Variants in DAB1 observed in about 807,000 individuals in gnomAD.
The protein encoded by DAB1 is DAB adaptor protein 1.
Under a neutral mutation model 64.6 loss-of-function variants are expected in DAB1, and 15 were observed. The observed-to-expected ratio is 0.23, with a 90% CI of 0.16 to 0.36. The LOEUF is 0.36. DAB1 is among the 10% of genes least tolerant of loss of function. The pLI is 1.00. For missense variants in DAB1, 596 were observed against 706.7 expected (o/e 0.84, Z 1.78); for synonymous variants, 235 against 251.9 (o/e 0.93, Z 0.64).
At chr1:58,300,054 C>T (rs1452131509) in intron 4 of DAB1, among the ~76,000 whole-genome samples, 1 of 152,070 alleles carries the variant, frequency 6.6e-6, no homozygotes, top group African/African-American at 2.4e-5. Context: ...GTTTAGAAAC[C>T]AAATTTACTG....
intron 14 of DAB1, among the ~76,000 whole-genome samples, chr1:57,008,500 C>G (rs1646164163): frequency 6.6e-6 from 1 of 152,146 alleles, no homozygotes; most frequent in African/African-American, 2.4e-5. Context: ...GTGCTATACA[C>G]AGTGCTAAGA....
chr1:58,335,405 C>A (rs1569655158), intron 4 of DAB1, among the ~76,000 whole-genome samples: 2 of 152,348 alleles, frequency 1.3e-5, no homozygotes, highest in Admixed American at 1.3e-4. Flanking sequence ...CAGGAGAGTT[C>A]TGAGCAAAGC....
chr1:57,780,233 A>T (rs1262211534), intron 6 of DAB1, among the ~76,000 whole-genome samples: 1 of 152,104 alleles, frequency 6.6e-6, no homozygotes, highest in Non-Finnish European at 1.5e-5. Context: ...CATTTTTAAC[A>T]TGTTGATCTT....
At chr1:57,081,759 T>G (rs532506177) in intron 4 of DAB1, among the ~76,000 whole-genome samples, 2 of 152,268 alleles carry the variant, frequency 1.3e-5, no homozygotes, top group South Asian at 4.1e-4. Context: ...GGAAGTTTCA[T>G]TGACATGCAA....
At chr1:57,199,663 C>T (rs535391209) in intron 2 of DAB1, among the ~76,000 whole-genome samples, 9 of 152,186 alleles carry the variant, frequency 5.9e-5, no homozygotes, top group African/African-American at 1.9e-4. Context: ...CTGTTACTAC[C>T]AAAGATTCAG....
intron 5 of DAB1, among the ~76,000 whole-genome samples, chr1:58,038,268 G>A (rs181378402): frequency 9.5e-4 from 144 of 152,274 alleles, no homozygotes; most frequent in African/African-American, 3.3e-3. Context: ...CACATTTTGG[G>A]TGGAAAGGAG....
At chr1:57,626,597 A>C (rs1441265885) in intron 7 of DAB1, among the ~76,000 whole-genome samples, 4 of 152,164 alleles carry the variant, frequency 2.6e-5, no homozygotes, top group Admixed American at 6.5e-5. Flanking sequence ...CTTTAACAAG[A>C]CACCATAAAT....
chr1:58,110,299 G>A (rs1271726473), intron 5 of DAB1, among the ~76,000 whole-genome samples: 1 of 152,132 alleles, frequency 6.6e-6, no homozygotes, highest in Non-Finnish European at 1.5e-5. Flanking sequence ...AGTTCAAAGT[G>A]GGATTCTGTC....
intron 14 of DAB1, 93 bp downstream of exon 14, chr1:57,010,587 A>C (rs1231455562): frequency 4.9e-6 from 3 of 611,812 alleles, no homozygotes; most frequent in Non-Finnish European, 5.5e-6. Context: ...GACATGGTGC[A>C]AACATTGAGG....
intron 7 of DAB1, among the ~76,000 whole-genome samples, chr1:57,570,072 G>T (rs1645176125): frequency 6.6e-6 from 1 of 152,112 alleles, no homozygotes; most frequent in African/African-American, 2.4e-5. Context: ...TTTATCCTGG[G>T]TGTATCTGTG....
chr1:57,093,998 A>G (rs1434122448), intron 4 of DAB1, among the ~76,000 whole-genome samples: 1 of 151,736 alleles, frequency 6.6e-6, no homozygotes, highest in East Asian at 2.0e-4. Flanking sequence ...AATACCAGCT[A>G]TGCAGATGGC....
intron 1 of DAB1, among the ~76,000 whole-genome samples, chr1:57,355,873 AACACACACACACACACACACACAC>A (rs10529674): frequency 1.9e-4 from 28 of 146,418 alleles, no homozygotes; most frequent in Non-Finnish European, 2.6e-4. Context: ...AACCTCAATA[AACACACACACACACACACACACAC>A]ACACACACAC....
intron 7 of DAB1, among the ~76,000 whole-genome samples, chr1:57,486,959 A>T (rs1644099674): frequency 6.9e-6 from 1 of 144,034 alleles, no homozygotes; most frequent in African/African-American, 2.6e-5. Context: ...ATTAAAAATT[A>T]AAAAAAAAAA....
intron 2 of DAB1, among the ~76,000 whole-genome samples, chr1:57,148,247 G>A (rs181494594): frequency 6.6e-6 from 1 of 152,284 alleles, no homozygotes; most frequent in East Asian, 1.9e-4. Context: ...ATAAGAGAAG[G>A]CAGAGCCATA....
chr1:57,451,925 T>G (rs781339230), intron 7 of DAB1, among the ~76,000 whole-genome samples: 49 of 152,134 alleles, frequency 3.2e-4, no homozygotes, highest in Non-Finnish European at 6.6e-4. Context: ...ACCAGTAAGG[T>G]TCCTTTATAA....
chr1:58,442,421 T>C (rs1645021256), intron 3 of DAB1, among the ~76,000 whole-genome samples: 1 of 150,502 alleles, frequency 6.6e-6, no homozygotes, highest in South Asian at 2.1e-4. Context: ...GATTGAAATC[T>C]ACATCAACTC....
At chr1:58,076,369 C>T (rs1245736030) in intron 5 of DAB1, among the ~76,000 whole-genome samples, 2 of 152,178 alleles carry the variant, frequency 1.3e-5, no homozygotes. Flanking sequence ...TTTTGCACTT[C>T]ACCCAAGGCC....
At chr1:57,712,122 T>C (rs563362559) in intron 6 of DAB1, among the ~76,000 whole-genome samples, 1 of 152,318 alleles carries the variant, frequency 6.6e-6, no homozygotes, top group South Asian at 2.1e-4. Context: ...AAGTACTATA[T>C]GTGTTGAATT....
At chr1:57,050,805 G>A (rs1186870360) in intron 9 of DAB1, among the ~76,000 whole-genome samples, 1 of 152,192 alleles carries the variant, frequency 6.6e-6, no homozygotes, top group African/African-American at 2.4e-5. Flanking sequence ...TATGCCTAGT[G>A]AAGAGAATGT....
Sources: allele counts gnomAD v4.1 joint callset (sites outside exome capture counted in the v4.1 genomes callset), GRCh38; gene constraint gnomAD v4.1.1; transcripts MANE v1.5; gene names NCBI Gene and HGNC (gene_info 2026-07-23, HGNC 2026-07-21).